The following PCDHGB2 variants were observed in gnomAD, a reference collection of about 807,000 sequenced individuals.
PCDHGB2 encodes protocadherin gamma-B2.
PCDHGB2 carries 55 observed loss-of-function variants against 59.3 expected under a neutral mutation model. The observed-to-expected ratio is 0.93, with a 90% confidence interval of 0.75 to 1.16. The LOEUF (loss-of-function observed/expected upper bound fraction) is 1.16. Among genes scored for constraint, PCDHGB2 ranks in the 50% most tolerant of loss-of-function variants. The probability of loss-of-function intolerance (pLI) is 0.00; values close to 1 mark genes in which losing one functional copy is unlikely to be tolerated. For missense variants in PCDHGB2, 1,228 were observed against 1,198.5 expected, an observed-to-expected ratio of 1.02 and a Z score of -0.36; for synonymous variants, 516 against 512.0, an observed-to-expected ratio of 1.01 and a Z score of -0.11.
chr5:141,432,133 C>G lies in PCDHGB2; in HGVS notation c.2422-62674C>G. ...CGGTCTTCCCTCAGGCCTCCTATTC[C>G]GCTTATATCCCAGAGAACAATCCCA... On this transcript the variant is annotated intron_variant, in intron 1 of 3. Transcript: ENST00000522605. The surrounding 1 kb of genome is among the most constrained non-coding windows in gnomAD (Gnocchi z 6.0). 1 of 1,614,142 alleles carries G rather than the reference C, an allele frequency of 6.2e-7. No homozygotes were observed. The highest frequency in any genetic ancestry group is 1.1e-5 in the South Asian group (1 of 91,070).
intron 1 of PCDHGB2, chr5:141,399,764 T>C: frequency 6.2e-7 from 1 of 1,613,252 alleles, no homozygotes; most frequent in Non-Finnish European, 8.5e-7. Flanking sequence ...AGCCTGCGCG[T>C]GTTGGTGGGC....
intron 1 of PCDHGB2, chr5:141,376,190 G>T: frequency 6.2e-7 from 1 of 1,614,116 alleles, no homozygotes; most frequent in African/African-American, 1.3e-5. Flanking sequence ...GGTCTCCTGC[G>T]TCTTCCTGGC....
At chr5:141,448,359 CTTTA>C in intron 1 of PCDHGB2, among the ~76,000 whole-genome samples, 1 of 152,074 alleles carries the variant, frequency 6.6e-6, no homozygotes, top group East Asian at 1.9e-4. Context: ...TAGTAGTTTT[CTTTA>C]TTTTATTTTT....
At chr5:141,368,960 T>G (rs1765952746) in intron 1 of PCDHGB2, among the ~76,000 whole-genome samples, 2 of 152,218 alleles carry the variant, frequency 1.3e-5, no homozygotes, top group African/African-American at 2.4e-5. Flanking sequence ...TAGTTTAAGA[T>G]GCTATAATGC....
chr5:141,416,819 G>A (rs952251457), intron 1 of PCDHGB2: 5 of 151,982 alleles, frequency 3.3e-5, no homozygotes, highest in African/African-American at 9.7e-5. Flanking sequence ...AAAGCATTCC[G>A]AAGTTTCTCA....
At chr5:141,364,533 C>T (rs1296809092) in intron 1 of PCDHGB2, 2 of 1,614,094 alleles carry the variant, frequency 1.2e-6, no homozygotes, top group Non-Finnish European at 1.7e-6. Flanking sequence ...CGCATCGTCT[C>T]CAGAGGTAGG....
chr5:141,489,069 C>G lies in PCDHGB2; in HGVS notation c.2422-5738C>G. ...TCAAATTCAGCTCCCCTCCCCCCTGCCCACCCCCGCCACTCGGTGACTAAG... is the reference window on the plus strand; with the variant it reads ...TCAAATTCAGCTCCCCTCCCCCCTGGCCACCCCCGCCACTCGGTGACTAAG... On this transcript the variant is annotated intron_variant, in intron 1 of 3. Coordinates refer to ENST00000522605, the MANE Select transcript of PCDHGB2 (RefSeq NM_018923.3). The surrounding 1 kb of genome is among the most constrained non-coding windows in gnomAD (Gnocchi z 4.5). 6.4e-5 allele frequency: 18 copies of G among 281,056 alleles called. No homozygotes were observed. Among genetic ancestry groups the G allele is most frequent in the Middle Eastern group, 1.1e-3 (1 of 944 alleles). 17.4% of individuals were successfully genotyped at this position (281,056 alleles called of 1,614,324 possible).
chr5:141,413,477 C>A, intron 1 of PCDHGB2: 1 of 1,614,100 alleles, frequency 6.2e-7, no homozygotes, highest in Non-Finnish European at 8.5e-7. Flanking sequence ...GAGCTCTGCG[C>A]TCAGAGCGCG....
At chr5:141,461,861 T>C (rs1445632008) in intron 1 of PCDHGB2, among the ~76,000 whole-genome samples, 8 of 152,182 alleles carry the variant, frequency 5.3e-5, no homozygotes, top group Middle Eastern at 3.4e-3. Flanking sequence ...TTTGCTCTTG[T>C]TGCCCAGGCT....
intron 1 of PCDHGB2, chr5:141,375,794 G>T (rs754100940): frequency 6.2e-7 from 1 of 1,614,170 alleles, no homozygotes; most frequent in Non-Finnish European, 8.5e-7. Context: ...CCCCACAGAC[G>T]GTTCCACTGG....
At chr5:141,366,775 A>G (rs550477594) in intron 1 of PCDHGB2, 13 of 1,595,244 alleles carry the variant, frequency 8.1e-6, no homozygotes, top group African/African-American at 1.3e-5. Context: ...TTCGGTAAGG[A>G]TGACCAGAAC....
rs779735897 is a variant in PCDHGB2 at position 141,422,336 on chromosome 5, TA to T, written c.2421+59783del. 34 of 1,550,032 alleles carry T rather than the reference TA, an allele frequency of 2.2e-5. No individual in the cohort carries two copies. The East Asian group carries it at 7.2e-4, about 33-fold the overall frequency. On this transcript the variant is annotated intron_variant, in intron 1 of 3. Coordinates refer to ENST00000522605, the MANE Select transcript of PCDHGB2 (RefSeq NM_018923.3). ...CCTCCAGGTACAGTGATTGCTCTTC[TA>T]AATGTGCAAGATCAAGATTCTGGAG... is the stretch of plus-strand genomic sequence containing the variant.
chr5:141,371,501 C>G, intron 1 of PCDHGB2: 1 of 1,613,882 alleles, frequency 6.2e-7, no homozygotes, highest in South Asian at 1.1e-5. Context: ...TTGCCCTGAT[C>G]AAAACACATG....
At chr5:141,409,378 C>G (rs780715519) in intron 1 of PCDHGB2, 3 of 1,613,996 alleles carry the variant, frequency 1.9e-6, no homozygotes, top group Non-Finnish European at 2.5e-6. Context: ...ACATTCCATT[C>G]AAGATTTATT....
intron 1 of PCDHGB2, among the ~76,000 whole-genome samples, chr5:141,435,652 G>C (rs978809372): frequency 6.6e-6 from 1 of 152,108 alleles, no homozygotes; most frequent in Non-Finnish European, 1.5e-5. Context: ...TTTCTGAAAC[G>C]TGCACAGATT....
rs145288114 is a variant in PCDHGB2 at position 141,477,334 on chromosome 5, C to T, written c.2422-17473C>T. On this transcript the variant is annotated intron_variant, in intron 1 of 3. Coordinates refer to ENST00000522605, the MANE Select transcript of PCDHGB2 (RefSeq NM_018923.3). This position sits in a 1 kb window ranked among gnomAD's most constrained non-coding sequence, Gnocchi z 4.9. ...GCCTTACTTCTTCCCTCAAGAATTA[C>T]TTCACTTTGAAAACCAGTGCAGACC... is the stretch of plus-strand genomic sequence containing the variant. 1.3e-4 allele frequency: 215 copies of T among 1,614,074 alleles called. No homozygotes were observed. Among genetic ancestry groups the T allele is most frequent in the Non-Finnish European group, 1.8e-4 (210 of 1,180,044 alleles).
rs1225265096 is a variant in PCDHGB2 at position 141,490,666 on chromosome 5, G to A, written c.2422-4141G>A. Reference sequence around the variant, plus strand: ...GCCTCCGGGCTCCCTTCTTTGCACTGTGGCTGCCTCAGATCCAGACACTGG... The same window carrying A: ...GCCTCCGGGCTCCCTTCTTTGCACTATGGCTGCCTCAGATCCAGACACTGG... On this transcript the variant is annotated intron_variant, in intron 1 of 3. Coordinates refer to ENST00000522605, the MANE Select transcript of PCDHGB2 (RefSeq NM_018923.3). The surrounding 1 kb of genome is among the most constrained non-coding windows in gnomAD (Gnocchi z 5.4). The A allele has an allele frequency of 1.2e-6, 2 of 1,614,134 alleles. No homozygotes were observed. The highest frequency in any genetic ancestry group is 3.3e-5 in the Admixed American group (2 of 60,026).
intron 1 of PCDHGB2, chr5:141,408,622 A>C (rs1481022505): frequency 6.2e-7 from 1 of 1,614,070 alleles, no homozygotes; most frequent in Admixed American, 1.7e-5. Flanking sequence ...AAATACATTT[A>C]GAAATTTTCG....
chr5:141,444,082 A>G (rs942113441), intron 1 of PCDHGB2, among the ~76,000 whole-genome samples: 2 of 151,044 alleles, frequency 1.3e-5, no homozygotes, highest in African/African-American at 2.4e-5. Flanking sequence ...TCACCTGAAA[A>G]GTCTGCTAAG....
Sources: allele counts gnomAD v4.1 joint callset (sites outside exome capture counted in the v4.1 genomes callset), GRCh38; gene constraint gnomAD v4.1.1; non-coding constraint Gnocchi (gnomAD v3.1); transcripts MANE v1.5; gene names NCBI Gene and HGNC (gene_info 2026-07-23, HGNC 2026-07-21).